ACSL5: variants seen among roughly 807,000 people sequenced by gnomAD.
ACSL5 encodes the protein long-chain-fatty-acid--CoA ligase 5.
In ACSL5, 50 loss-of-function variants were observed where a neutral mutation model predicts 84.9. The observed-to-expected ratio is 0.59, with a 90% CI of 0.47 to 0.75. The LOEUF (loss-of-function observed/expected upper bound fraction) is 0.75, where lower values mean the gene tolerates loss of function less well. ACSL5 is among the 30% of genes least tolerant of loss of function. The pLI is 0.00. For synonymous variants in ACSL5, 280 were observed against 300.7 expected (o/e 0.93, Z 0.71); for missense variants, 775 against 830.4 (o/e 0.93, Z 0.82).
At chr10:112,425,194 C>G in intron 17 of ACSL5, 144 bp from the exon 18 acceptor site, 1 of 682,040 alleles carries the variant, frequency 1.5e-6, no homozygotes. Context: ...TTCACCAAAG[C>G]CAAGAAAGAG....
intron 1 of ACSL5, among the ~76,000 whole-genome samples, chr10:112,379,628 T>C (rs1849310441): frequency 6.6e-6 from 1 of 152,002 alleles, no homozygotes; most frequent in Admixed American, 6.6e-5. Flanking sequence ...ATACCAACTG[T>C]TCTACACACA....
At chr10:112,382,800 G>A (rs1163831476) in intron 1 of ACSL5, among the ~76,000 whole-genome samples, 1 of 152,228 alleles carries the variant, frequency 6.6e-6, no homozygotes, top group East Asian at 1.9e-4. Flanking sequence ...GGGCTTGGAA[G>A]AGAGATATGA....
chr10:112,408,440 GCTTGTTACACGTACT>G lies in ACSL5; in HGVS notation c.454_468del (p.Cys152_Ser156del). On this transcript the variant is annotated inframe_deletion, in exon 6 of 21. Coordinates refer to ENST00000354655, the MANE Select transcript of ACSL5 (RefSeq NM_203379.2). ...TGTACAGTGGATCATCTCCGAATTG[GCTTGTTACACGTACT>G]CTATGGTAGCTGTACCTCTGTATGA... 1 of 1,612,436 alleles carries G rather than the reference GCTTGTTACACGTACT, an allele frequency of 6.2e-7. No homozygotes were observed. The highest frequency in any genetic ancestry group is 8.5e-7 in the Non-Finnish European group (1 of 1,178,552).
At chr10:112,426,067 T>A (rs1019760325) in intron 18 of ACSL5, among the ~76,000 whole-genome samples, 191 bp from the exon 19 acceptor site, 3 of 141,634 alleles carry the variant, frequency 2.1e-5, no homozygotes, top group African/African-American at 8.0e-5. Flanking sequence ...TGTAATGAGA[T>A]ATTGAGTGGG....
chr10:112,390,316 C>G (rs903457582), intron 1 of ACSL5, among the ~76,000 whole-genome samples: 6 of 152,064 alleles, frequency 3.9e-5, no homozygotes, highest in Admixed American at 2.6e-4. Context: ...AAATGCAAAT[C>G]AAACCCACAA....
rs754023291 is a variant in ACSL5 at position 112,404,708 on chromosome 10, T to C, written c.334T>C (p.Ser112Pro). 1.9e-6 allele frequency: 3 copies of C among 1,613,722 alleles called. No homozygotes were observed. The highest frequency in any genetic ancestry group is 2.2e-5 in the South Asian group (2 of 91,028). The change falls in exon 5 of 21, where the codon TCT becomes CCT. Residue 112 changes from serine (S) to proline (P), a missense_variant. Ser to Pro is a moderately conservative substitution (Grantham distance 74, BLOSUM62 -1). Transcript: ENST00000354655. The stretch of plus-strand genomic sequence containing the variant: ...ACCCCATCTCTCTTTTTTGTAGGTG[T>C]CTGATAGAGCAGAGTACCTGGGTTC... ...PYRWLSYKQV[S>P]DRAEYLGSCL... is the part of the protein sequence containing the mutation.
chr10:112,411,659 G>C (rs192084536), intron 10 of ACSL5, 130 bp downstream of exon 10: 2 of 949,364 alleles, frequency 2.1e-6, no homozygotes, highest in African/African-American at 1.6e-5. Context: ...TTAAAGGCTG[G>C]AGTGTGGACA....
intron 2 of ACSL5, 104 bp downstream of exon 2, chr10:112,395,206 A>G: frequency 8.7e-7 from 1 of 1,145,632 alleles, no homozygotes; most frequent in Non-Finnish European, 1.2e-6. Context: ...CAGCATGGGA[A>G]AGTAAAGCTT....
chr10:112,426,626 CTCAG>C (rs1844730155), intron 19 of ACSL5, 158 bp from the exon 20 acceptor site: 3 of 661,242 alleles, frequency 4.5e-6, no homozygotes, highest in African/African-American at 1.8e-5. Flanking sequence ...GCCTTTTCTT[CTCAG>C]TTTTTCTTTC....
At chr10:112,425,792 G>A (rs1470985110) in intron 18 of ACSL5, among the ~76,000 whole-genome samples, 1 of 152,096 alleles carries the variant, frequency 6.6e-6, no homozygotes, top group Non-Finnish European at 1.5e-5. Context: ...GTTCCTTAAA[G>A]CTATGTTTAA....
chr10:112,390,655 AATAGATAGATAGATAGATAGATAG>A (rs56390024), intron 1 of ACSL5, among the ~76,000 whole-genome samples: 1 of 149,570 alleles, frequency 6.7e-6, no homozygotes, highest in South Asian at 2.1e-4. Context: ...TAGATAGATA[AATAGATAGATAGATAGATAGATAG>A]ATAGATAGAT....
At position 112,398,884 on chromosome 10, in the gene ACSL5, T is replaced by G. The variant is rs1451297051; in HGVS notation, c.157-17T>G. 9 of 1,609,256 alleles carry G rather than the reference T, an allele frequency of 5.6e-6. No homozygotes were observed. Among genetic ancestry groups the G allele is most frequent in the Non-Finnish European group, 7.7e-6 (9 of 1,175,632 alleles). On this transcript the variant is annotated splice_polypyrimidine_tract_variant and intron_variant, in intron 2 of 20. Transcript: ENST00000354655. ...GGGGAGACTTGAACTTGGCCTAAAC[T>G]TGGTCTTGTGTCTTAGGGAGGAGCA...
intron 12 of ACSL5, among the ~76,000 whole-genome samples, chr10:112,416,335 G>A (rs1200505676): frequency 6.6e-6 from 1 of 152,036 alleles, no homozygotes; most frequent in Non-Finnish European, 1.5e-5. Flanking sequence ...GCTGGGCGTG[G>A]TGGCGGGTGC....
At chr10:112,386,595 T>C (rs1849458251) in intron 1 of ACSL5, among the ~76,000 whole-genome samples, 1 of 152,174 alleles carries the variant, frequency 6.6e-6, no homozygotes, top group Admixed American at 6.5e-5. Context: ...TTTCACTCTT[T>C]GTTAAGTTTT....
At chr10:112,397,643 G>A (rs944266535) in intron 2 of ACSL5, among the ~76,000 whole-genome samples, 1 of 152,140 alleles carries the variant, frequency 6.6e-6, no homozygotes, top group East Asian at 1.9e-4. Flanking sequence ...TGTCTTCAAA[G>A]TCTGTATTGA....
At chr10:112,398,811 C>A in intron 2 of ACSL5, 90 bp from the exon 3 acceptor site, 1 of 1,074,302 alleles carries the variant, frequency 9.3e-7, no homozygotes, top group Non-Finnish European at 1.4e-6. Context: ...TCAAAATCGG[C>A]ATTTATGGTC....
At position 112,386,572 on chromosome 10, in the gene ACSL5, T is replaced by G. The variant is rs535406371; in HGVS notation, c.-29-8346T>G. Among the ~76,000 whole-genome samples the G allele has an allele frequency of 7.1e-3, 1,077 of 152,310 alleles. 15 individuals are homozygous for G. The highest frequency in any genetic ancestry group is 0.025 in the African/African-American group (1,022 of 41,570). On this transcript the variant is annotated intron_variant, in intron 1 of 20. Coordinates refer to ENST00000354655, the MANE Select transcript of ACSL5 (RefSeq NM_203379.2). The stretch of plus-strand genomic sequence containing the variant: ...TCTGCCACCTACCCAATTCCTGCTA[T>G]TTTTCAAAATTGTTTCACTCTTTGT...
chr10:112,402,343 A>C (rs1030656690), intron 3 of ACSL5, among the ~76,000 whole-genome samples: 4 of 152,210 alleles, frequency 2.6e-5, no homozygotes, highest in African/African-American at 4.8e-5. Context: ...TCAGTCCTTC[A>C]TAATTCTTAG....
At chr10:112,397,401 C>A (rs1268270915) in intron 2 of ACSL5, among the ~76,000 whole-genome samples, 2 of 152,074 alleles carry the variant, frequency 1.3e-5, no homozygotes, top group African/African-American at 4.8e-5. Flanking sequence ...AACTCCTGAC[C>A]TCAGATGATC....
Sources: allele counts gnomAD v4.1 joint callset (sites outside exome capture counted in the v4.1 genomes callset), GRCh38; gene constraint gnomAD v4.1.1; transcripts MANE v1.5; gene names NCBI Gene and HGNC (gene_info 2026-07-23, HGNC 2026-07-21).